Variants in CHL1 observed in about 807,000 individuals in gnomAD.
CHL1 encodes the protein neural cell adhesion molecule L1-like protein.
In CHL1, 96 loss-of-function variants were observed where a neutral mutation model predicts 141.9. The ratio of observed to expected loss-of-function variants is 0.68; its 90% CI spans 0.57 to 0.80. CHL1 has a LOEUF of 0.80. Ranked by LOEUF, CHL1 falls within the 30% of genes least tolerant of loss-of-function variation. The pLI, the probability that CHL1 is intolerant of heterozygous loss-of-function variation, is 0.00. For missense variants in CHL1, 1,820 were observed against 1,457.2 expected (o/e 1.25, Z -4.05); for synonymous variants, 613 against 502.2 (o/e 1.22, Z -2.95).
intron 1 of CHL1, among the ~76,000 whole-genome samples, chr3:232,181 A>G (rs188680084): frequency 1.3e-5 from 2 of 152,266 alleles, no homozygotes; most frequent in East Asian, 3.9e-4. Context: ...GAGGCACCGG[A>G]GAATCATGAT....
At chr3:338,330 A>T (rs755878731) in intron 5 of CHL1, among the ~76,000 whole-genome samples, 4 of 152,130 alleles carry the variant, frequency 2.6e-5, no homozygotes, top group African/African-American at 4.8e-5. Flanking sequence ...CGAAAAAAAT[A>T]TTTTTTTAAT....
intron 1 of CHL1, among the ~76,000 whole-genome samples, chr3:231,575 CT>C (rs5845954): frequency 0.4 from 39,839 of 99,704 alleles, 5,239 homozygotes; most frequent in Admixed American, 0.49. Flanking sequence ...TTATTTCTTC[CT>C]TTTTTTTTTT....
chr3:200,329 GGT>G (rs1447842030), intron 1 of CHL1, among the ~76,000 whole-genome samples: 2 of 152,124 alleles, frequency 1.3e-5, no homozygotes, highest in Non-Finnish European at 2.9e-5. Flanking sequence ...CAGATTGGGA[GGT>G]GTTGAGTTCT....
intron 1 of CHL1, among the ~76,000 whole-genome samples, chr3:242,218 T>A (rs1164619358): frequency 1.3e-5 from 2 of 152,204 alleles, no homozygotes; most frequent in African/African-American, 4.8e-5. Flanking sequence ...TTTCCATATT[T>A]CTTGTTTCAT....
chr3:320,645 C>T (rs912249152), intron 3 of CHL1, among the ~76,000 whole-genome samples: 6 of 151,864 alleles, frequency 4.0e-5, no homozygotes, highest in Non-Finnish European at 5.9e-5. Context: ...AATGATCACA[C>T]CTGCGAATAG....
intron 17 of CHL1, 92 bp from the exon 18 acceptor site, chr3:382,382 T>A (rs1483135656): frequency 1.4e-6 from 2 of 1,463,512 alleles, no homozygotes; most frequent in Non-Finnish European, 1.9e-6. Context: ...TCTTATAACA[T>A]CCTTTTGAAC....
chr3:353,903 G>A (rs1703479616), intron 10 of CHL1, among the ~76,000 whole-genome samples: 1 of 152,104 alleles, frequency 6.6e-6, no homozygotes, highest in African/African-American at 2.4e-5. Context: ...CAATATTCAT[G>A]AAGTTATAAA....
intron 8 of CHL1, among the ~76,000 whole-genome samples, chr3:344,278 T>C (rs1702579745): frequency 1.3e-5 from 2 of 152,142 alleles, no homozygotes; most frequent in Admixed American, 1.3e-4. Flanking sequence ...AAGTATAGAA[T>C]ATAAAATCAT....
intron 2 of CHL1, among the ~76,000 whole-genome samples, chr3:311,366 T>G (rs1172601507): frequency 9.4e-6 from 1 of 105,942 alleles, no homozygotes; most frequent in African/African-American, 4.7e-5. Context: ...CCACACAACT[T>G]TTTTTTTTTT....
intron 1 of CHL1, among the ~76,000 whole-genome samples, chr3:228,717 A>G (rs561718639): frequency 1.3e-5 from 2 of 152,296 alleles, no homozygotes; most frequent in East Asian, 3.9e-4. Flanking sequence ...ACGGATTTCT[A>G]TCAACTCCAT....
chr3:319,591 CAAA>C (rs35995557), intron 2 of CHL1, 89 bp from the exon 3 acceptor site: 7,439 of 298,622 alleles, frequency 0.025, no homozygotes, highest in South Asian at 0.031. Flanking sequence ...ACTGCCAAAC[CAAA>C]AAAAAAAAAA....
intron 1 of CHL1, among the ~76,000 whole-genome samples, chr3:203,409 C>A (rs891166283): frequency 2.0e-5 from 3 of 152,238 alleles, no homozygotes; most frequent in Non-Finnish European, 4.4e-5. Flanking sequence ...TGGTTTGTCC[C>A]CTTGATGTTC....
At chr3:394,982 T>A in intron 24 of CHL1, 110 bp downstream of exon 24, 1 of 908,716 alleles carries the variant, frequency 1.1e-6, no homozygotes, top group Non-Finnish European at 1.6e-6. Flanking sequence ...AAATTAGAAA[T>A]GATTGTGATC....
intron 15 of CHL1, among the ~76,000 whole-genome samples, chr3:367,507 A>G (rs919203104): frequency 1.3e-5 from 2 of 152,212 alleles, no homozygotes; most frequent in Non-Finnish European, 2.9e-5. Context: ...TTAAAAAGGT[A>G]CTTTCATTAT....
intron 2 of CHL1, among the ~76,000 whole-genome samples, chr3:312,500 G>A (rs1461969022): frequency 1.3e-5 from 2 of 152,196 alleles, no homozygotes; most frequent in Non-Finnish European, 2.9e-5. Flanking sequence ...GCCTTTTAAT[G>A]TTTGTGTATG....
intron 1 of CHL1, among the ~76,000 whole-genome samples, chr3:211,799 A>G (rs1699925728): frequency 6.6e-6 from 1 of 152,238 alleles, no homozygotes. Flanking sequence ...TGTATTGGTA[A>G]TACTATAAAT....
intron 1 of CHL1, among the ~76,000 whole-genome samples, chr3:241,613 TAG>T (rs1394888554): frequency 6.6e-6 from 1 of 151,818 alleles, no homozygotes; most frequent in Non-Finnish European, 1.5e-5. Context: ...CTCAAGTCAG[TAG>T]AGTTTAATTT....
intron 1 of CHL1, among the ~76,000 whole-genome samples, chr3:242,573 G>A (rs957696673): frequency 6.6e-6 from 1 of 151,158 alleles, no homozygotes; most frequent in Non-Finnish European, 1.5e-5. Flanking sequence ...TCCAGCCTGG[G>A]TAACAGAGTG....
Position 344,391 on chromosome 3 carries a change from A to G in CHL1, c.728-198A>G, listed in dbSNP as rs553091346. Among the ~76,000 whole-genome samples the G allele has an allele frequency of 8.5e-5, 13 of 152,134 alleles. No individual in the cohort carries two copies. In the Middle Eastern group the frequency reaches 0.01, roughly 119 times the overall value. ...GCAGTGCTACGCTCAGTAAAAACAT[A>G]TGAGGGACAACCCATGCTTCATGGT... On this transcript the variant is annotated intron_variant, in intron 8 of 27. Transcript: ENST00000256509.
Sources: gnomAD v4.1 joint callset for allele counts (sites outside exome capture counted in the v4.1 genomes callset) on GRCh38, gnomAD v4.1.1 for gene constraint, MANE v1.5 for transcripts, NCBI Gene and HGNC (gene_info 2026-07-23, HGNC 2026-07-21) for gene names.